POMC: variants seen among roughly 807,000 people sequenced by gnomAD.
POMC encodes the protein proopiomelanocortin, also known as pro-opiomelanocortin.
Under a neutral mutation model 18.5 loss-of-function variants are expected in POMC, and 19 were observed. The ratio of observed to expected loss-of-function variants is 1.03; its 90% CI spans 0.72 to 1.51. POMC has a LOEUF of 1.51. Ranked by LOEUF, POMC falls within the 40% of genes most tolerant of loss-of-function variation. POMC has a pLI of 0.00. For missense variants in POMC, 451 were observed against 379.0 expected (o/e 1.19, Z -1.58); for synonymous variants, 179 against 161.9 (o/e 1.11, Z -0.80).
rs1160785090 is a variant in POMC, at chr2:25,160,958, C to CT, written c.*122dup. 3 of 1,485,808 alleles carry CT rather than the reference C, an allele frequency of 2.0e-6. No individual in the cohort carries two copies. The highest frequency in any genetic ancestry group is 2.7e-6 in the Non-Finnish European group (3 of 1,103,722). The allele number at this position is 1,485,808 out of a possible 1,614,324, so 92.0% of individuals were successfully genotyped here. A position where few individuals can be genotyped will look rare whatever the true frequency, so the allele number is the denominator to read the frequency against. ...GGTTTTATTTCCTAACTACAGGCAG[C>CT]TTTAAGAGGCTGATTATCTGCCACG... On this transcript the variant is annotated 3_prime_UTR_variant, in exon 3 of 3. Coordinates refer to ENST00000395826, the MANE Select transcript of POMC (RefSeq NM_000939.4).
chr2:25,163,740 G>A (rs1183183491), intron 2 of POMC, among the ~76,000 whole-genome samples: 1 of 152,148 alleles, frequency 6.6e-6, no homozygotes, highest in Non-Finnish European at 1.5e-5. Context: ...GGCCTCAAGT[G>A]AACCTCCCAA....
In POMC at chr2:25,167,983, G is replaced by A. The variant is rs567531118; in HGVS notation, c.-21+515C>T. Reference sequence around the variant, plus strand: ...AGCCTGACCAACATGGAGAAACTCCGTCTCTACTAAAAATACAAAAATTAG... The same window carrying A: ...AGCCTGACCAACATGGAGAAACTCCATCTCTACTAAAAATACAAAAATTAG... On this transcript the variant is annotated intron_variant, in intron 1 of 2. Transcript: ENST00000395826. 7.2e-5 allele frequency among the ~76,000 whole-genome samples: 11 copies of A among 152,170 alleles called. No homozygotes were observed. The South Asian group carries it at 2.3e-3, about 32-fold the overall frequency.
In POMC at chr2:25,161,376, T is replaced by A; in HGVS notation, c.509A>T (p.Glu170Val). 1 of 1,602,346 alleles carries A rather than the reference T, an allele frequency of 6.2e-7. No homozygotes were observed. Among genetic ancestry groups the A allele is most frequent in the Admixed American group, 1.7e-5 (1 of 58,494 alleles). The change falls in exon 3 of 3, where the codon GAG becomes GTG. Residue 170 changes from glutamate to valine, a missense_variant. Physicochemically the swap from Glu to Val is moderately radical, Grantham distance 121. Transcript: ENST00000395826. The surrounding 1 kb of genome is among the most constrained non-coding windows in gnomAD (Gnocchi z 5.7). ...CCTCTTGAACTCCAGGGGGAAGGCC[T>A]CGGCCGACTCGTCCTCGGCGCCGTT... ...YPNGAEDESA[E>V]AFPLEFKREL...
At position 25,164,622 on chromosome 2, in the gene POMC, G is replaced by A. The variant is rs1020642742; in HGVS notation, c.132+19C>T. 2.5e-5 allele frequency: 41 copies of A among 1,613,774 alleles called. No individual in the cohort carries two copies. Among genetic ancestry groups the A allele is most frequent in the Non-Finnish European group, 3.4e-6 (4 of 1,179,818 alleles). ...CCCATCTAATGTCTAAGCCAAGATGGCAGTCATGGCCCACGTACCAGCAGG... is the reference window on the plus strand; with the variant it reads ...CCCATCTAATGTCTAAGCCAAGATGACAGTCATGGCCCACGTACCAGCAGG... On this transcript the variant is annotated intron_variant, in intron 2 of 2. Coordinates refer to ENST00000395826, the MANE Select transcript of POMC (RefSeq NM_000939.4).
Position 25,161,800 on chromosome 2 carries a change from G to C in POMC, c.133-48C>G, listed in dbSNP as rs115540788. ...GAGGGCAGCCCGTGCCCCGCACCCC[G>C]GCCCGGCTGCCGCGCCCGTCACTGC... is the stretch of plus-strand genomic sequence containing the variant. On this transcript the variant is annotated intron_variant, in intron 2 of 2. Transcript: ENST00000395826. The surrounding 1 kb of genome is among the most constrained non-coding windows in gnomAD (Gnocchi z 5.7). 2 of 1,537,808 alleles carry C rather than the reference G, an allele frequency of 1.3e-6. No homozygotes were observed. The highest frequency in any genetic ancestry group is 1.7e-6 in the Non-Finnish European group (2 of 1,143,868).
chr2:25,163,889 T>G (rs970869077), intron 2 of POMC, among the ~76,000 whole-genome samples: 2 of 152,160 alleles, frequency 1.3e-5, no homozygotes, highest in African/African-American at 4.8e-5. Context: ...CATCTAAAAG[T>G]GCTGGGATTA....
rs1257090981 is a variant in POMC at position 25,161,409 on chromosome 2, A to G, written c.476T>C (p.Val159Ala). 6.2e-7 allele frequency: 1 copy of G among 1,609,528 alleles called. No individual in the cohort carries two copies. Among genetic ancestry groups the G allele is most frequent in the Non-Finnish European group, 8.5e-7 (1 of 1,178,632 alleles). ...CTCGTCCTCGGCGCCGTTAGGGTAC[A>G]CCTTCACTGGGCGCCGCTTCTTGCC... ...PVGKKRRPVK[V>A]YPNGAEDESA... Residue 159 changes from valine to alanine, a missense_variant, in exon 3 of 3, where the codon GTG becomes GCG. By Grantham distance (64) the Val-to-Ala change is moderately conservative. Transcript: ENST00000395826. The surrounding 1 kb of genome is among the most constrained non-coding windows in gnomAD (Gnocchi z 5.7).
intron 2 of POMC, among the ~76,000 whole-genome samples, chr2:25,164,225 G>C (rs1671480055): frequency 6.6e-6 from 1 of 152,128 alleles, no homozygotes; most frequent in African/African-American, 2.4e-5. Context: ...TTTGCAACCG[G>C]TAGTAGATAA....
chr2:25,161,616 C>A lies in POMC; in HGVS notation c.269G>T (p.Arg90Leu). 1 of 1,554,178 alleles carries A rather than the reference C, an allele frequency of 6.4e-7. No individual in the cohort carries two copies. Among genetic ancestry groups the A allele is most frequent in the Non-Finnish European group, 8.7e-7 (1 of 1,149,098 alleles). The part of the protein sequence containing the change: ...GHFRWDRFGR[R>L]NSSSSGSSGA... Reference sequence around the variant, plus strand: ...GCTGCTGCCGCTGCTGCTGCTGTTGCGGCGGCCGAATCGGTCCCAGCGGAA... The same window carrying A: ...GCTGCTGCCGCTGCTGCTGCTGTTGAGGCGGCCGAATCGGTCCCAGCGGAA... The change falls in exon 3 of 3, where the codon CGC becomes CTC. Residue 90 changes from arginine to leucine, a missense_variant. Transcript: ENST00000395826. The surrounding 1 kb of genome is among the most constrained non-coding windows in gnomAD (Gnocchi z 5.7).
Position 25,161,609 on chromosome 2 carries a change from G to A in POMC, c.276C>T (p.Ser92=), listed in dbSNP as rs1261216633. The change falls in exon 3 of 3, where the codon AGC becomes AGT. Residue 92 remains serine (S), a synonymous_variant. Transcript: ENST00000395826. This position sits in a 1 kb window ranked among gnomAD's most constrained non-coding sequence, Gnocchi z 5.7. ...FRWDRFGRRN[S]SSSGSSGAGQ... is the part of the protein sequence containing the mutation. ...CTGCGCCGCTGCTGCCGCTGCTGCT[G>A]CTGTTGCGGCGGCCGAATCGGTCCC... 4.5e-6 allele frequency: 7 copies of A among 1,555,688 alleles called. No individual in the cohort carries two copies. In the African/African-American group the frequency reaches 8.2e-5, roughly 18 times the overall value.
In POMC at chr2:25,164,814, G is replaced by A. The variant is rs768177368; in HGVS notation, c.-20-22C>T. ...GGCTCTGCAGAAGCAAACAAGATTG[G>A]TGGGACCCCTGCAAGGAGCAAAACA... is the stretch of plus-strand genomic sequence containing the variant. On this transcript the variant is annotated intron_variant, in intron 1 of 2. Coordinates refer to ENST00000395826, the MANE Select transcript of POMC (RefSeq NM_000939.4). 7 of 1,612,166 alleles carry A rather than the reference G, an allele frequency of 4.3e-6. No individual in the cohort carries two copies. In the South Asian group the frequency reaches 7.7e-5, roughly 18 times the overall value.
In POMC at chr2:25,161,535, G is replaced by A. The variant is rs1417683206; in HGVS notation, c.350C>T (p.Pro117Leu). The change falls in exon 3 of 3, where the codon CCT becomes CTT. Residue 117 changes from proline to leucine, a missense_variant. Physicochemically the swap from Pro to Leu is moderately conservative, Grantham distance 98. Coordinates refer to ENST00000395826, the MANE Select transcript of POMC (RefSeq NM_000939.4). This position sits in a 1 kb window ranked among gnomAD's most constrained non-coding sequence, Gnocchi z 5.7. ...VSAGEDCGPL[P>L]EGGPEPRSDG... ...GCTGCGGGGCTCGGGGCCGCCCTCA[G>A]GCAGCGGGCCGCAGTCTTCGCCCGC... 6.3e-6 allele frequency: 10 copies of A among 1,582,358 alleles called. No individual in the cohort carries two copies. In the East Asian group the frequency reaches 9.2e-5, roughly 15 times the overall value.
At chr2:25,165,187 T>G (rs901842714) in intron 1 of POMC, among the ~76,000 whole-genome samples, 1 of 152,216 alleles carries the variant, frequency 6.6e-6, no homozygotes, top group African/African-American at 2.4e-5. Context: ...ACTTTCCTAT[T>G]TCACTACATT....
intron 1 of POMC, among the ~76,000 whole-genome samples, chr2:25,166,948 A>G (rs1671576589): frequency 6.6e-6 from 1 of 152,216 alleles, no homozygotes; most frequent in Non-Finnish European, 1.5e-5. Flanking sequence ...TGCTTTTTTA[A>G]GTAGGGAAAG....
chr2:25,164,576 T>C (rs1188735392), intron 2 of POMC, 65 bp downstream of exon 2: 1 of 1,611,218 alleles, frequency 6.2e-7, no homozygotes, highest in Non-Finnish European at 8.5e-7. Context: ...CCCTTTTCTT[T>C]TGAGCTTTCC....
intron 1 of POMC, among the ~76,000 whole-genome samples, chr2:25,166,383 C>A (rs1671555027): frequency 6.6e-6 from 1 of 152,212 alleles, no homozygotes. Context: ...ACAGCCAGAA[C>A]TTGGTGGACC....
chr2:25,160,999 A>C lies in POMC; in HGVS notation c.*82T>G. On this transcript the variant is annotated 3_prime_UTR_variant, in exon 3 of 3. Transcript: ENST00000395826. The stretch of plus-strand genomic sequence containing the variant: ...ATCTGCCACGACCCCCCAGGCTGGG[A>C]GGCGGCAGCAGGGCAGGGGAGAGCA... 1 of 1,583,244 alleles carries C rather than the reference A, an allele frequency of 6.3e-7. No individual in the cohort carries two copies. Among genetic ancestry groups the C allele is most frequent in the African/African-American group, 1.4e-5 (1 of 73,628 alleles).
chr2:25,163,214 C>G (rs531645451), intron 2 of POMC, among the ~76,000 whole-genome samples: 3 of 152,342 alleles, frequency 2.0e-5, no homozygotes, highest in South Asian at 4.1e-4. Context: ...ATGGAAAAAA[C>G]TAATTTACAC....
intron 2 of POMC, among the ~76,000 whole-genome samples, chr2:25,164,381 A>AGCTAGAGAT (rs1329247536): frequency 5.9e-5 from 9 of 152,176 alleles, no homozygotes; most frequent in Admixed American, 2.6e-4. Context: ...AAAGGGTTCA[A>AGCTAGAGAT]GGTCTCCATA....
Sources: gnomAD v4.1 joint callset for allele counts (sites outside exome capture counted in the v4.1 genomes callset) on GRCh38, gnomAD v4.1.1 for gene constraint, Gnocchi (gnomAD v3.1) non-coding constraint, MANE v1.5 for transcripts, NCBI Gene and HGNC (gene_info 2026-07-23, HGNC 2026-07-21) for gene names.